CNTN1: variants seen among roughly 807,000 people sequenced by gnomAD.
The protein encoded by CNTN1 is contactin 1.
A neutral mutation model predicts 126.4 loss-of-function variants in CNTN1; 38 were observed. The ratio of observed to expected loss-of-function variants is 0.30; its 90% CI spans 0.23 to 0.39. The LOEUF is 0.39. Among genes scored for constraint, CNTN1 ranks in the 10% least tolerant of loss-of-function variants. The pLI is 1.00. For synonymous variants in CNTN1, 413 were observed against 422.6 expected (o/e 0.98, Z 0.28); for missense variants, 1,009 against 1,248.4 (o/e 0.81, Z 2.89).
rs1342846419 is a variant in CNTN1 at position 40,832,936 on chromosome 12, T to C, written c.-76-75421T>C. 2.0e-5 allele frequency among the ~76,000 whole-genome samples: 3 copies of C among 152,166 alleles called. No individual in the cohort carries two copies. In the East Asian group the frequency reaches 5.8e-4, roughly 29 times the overall value. ...TAAGCACTTACCTGCTCCTGTTCGT[T>C]CTGGTGAAAACCACACAGTTCCCCC... On this transcript the variant is annotated intron_variant, in intron 1 of 23. Transcript: ENST00000551295.
At chr12:41,029,508 A>G (rs371944309) in intron 23 of CNTN1, among the ~76,000 whole-genome samples, 10 of 152,334 alleles carry the variant, frequency 6.6e-5, no homozygotes, top group African/African-American at 1.9e-4. Flanking sequence ...AGTATGGAAC[A>G]TATTAGTTTA....
At chr12:40,918,464 A>C (rs917301119) in intron 3 of CNTN1, among the ~76,000 whole-genome samples, 175 bp from the exon 4 acceptor site, 9 of 152,158 alleles carry the variant, frequency 5.9e-5, no homozygotes, top group Non-Finnish European at 1.2e-4. Flanking sequence ...ACAGAAAATA[A>C]TTTTAAATGA....
intron 23 of CNTN1, among the ~76,000 whole-genome samples, chr12:41,044,077 C>T (rs1472500967): frequency 6.7e-6 from 1 of 150,004 alleles, no homozygotes; most frequent in Non-Finnish European, 1.5e-5. Context: ...TGCAGCACAA[C>T]AGCATGGCAC....
At chr12:40,983,075 G>C (rs1487389452) in intron 16 of CNTN1, among the ~76,000 whole-genome samples, 2 of 152,022 alleles carry the variant, frequency 1.3e-5, no homozygotes, top group Non-Finnish European at 2.9e-5. Flanking sequence ...ATGTACCCTA[G>C]AACTTAAAGT....
At position 40,960,792 on chromosome 12, in the gene CNTN1, C is replaced by T. The variant is rs555475023; in HGVS notation, c.1804+1558C>T. 5.8e-4 allele frequency among the ~76,000 whole-genome samples: 88 copies of T among 152,138 alleles called. No homozygotes were observed. The South Asian group carries it at 5.8e-3, about 10-fold the overall frequency. On this transcript the variant is annotated intron_variant, in intron 15 of 23. Transcript: ENST00000551295. ...AGAGGGATTAGAGGGATTAGTTCACCATTCTTCCTAGTCAGACCACTAGCT... is the reference window on the plus strand; with the variant it reads ...AGAGGGATTAGAGGGATTAGTTCACTATTCTTCCTAGTCAGACCACTAGCT...
intron 1 of CNTN1, among the ~76,000 whole-genome samples, chr12:40,900,454 G>C (rs1369526956): frequency 6.6e-6 from 1 of 152,068 alleles, no homozygotes; most frequent in Non-Finnish European, 1.5e-5. Flanking sequence ...TGTGTGTATG[G>C]TTAGGTGCCT....
At chr12:41,029,974 T>C (rs373875986) in intron 23 of CNTN1, among the ~76,000 whole-genome samples, 2 of 152,156 alleles carry the variant, frequency 1.3e-5, no homozygotes, top group East Asian at 1.9e-4. Flanking sequence ...ATGCATGATA[T>C]AGTTTAATTA....
chr12:40,813,232 GA>G (rs59277406), intron 1 of CNTN1, among the ~76,000 whole-genome samples: 38,683 of 145,552 alleles, frequency 0.27, 5,802 homozygotes, highest in Middle Eastern at 0.42. Context: ...CTTCTAAAAA[GA>G]AAAAAAAAAA....
At chr12:40,772,335 C>T (rs562598342) in intron 1 of CNTN1, among the ~76,000 whole-genome samples, 1 of 152,110 alleles carries the variant, frequency 6.6e-6, no homozygotes, top group South Asian at 2.1e-4. Context: ...TTTGTCATCA[C>T]ATATTGTGTC....
chr12:40,992,711 A>T (rs1399156637), intron 16 of CNTN1, among the ~76,000 whole-genome samples: 1 of 152,194 alleles, frequency 6.6e-6, no homozygotes, highest in East Asian at 1.9e-4. Flanking sequence ...TGCTAGCCAT[A>T]GACTATATCA....
intron 1 of CNTN1, among the ~76,000 whole-genome samples, 186 bp downstream of exon 1, chr12:40,692,778 G>A (rs938646217): frequency 1.3e-5 from 2 of 152,236 alleles, no homozygotes; most frequent in South Asian, 2.1e-4. Flanking sequence ...GGAAGCAGGG[G>A]TGCGGGATGC....
intron 1 of CNTN1, among the ~76,000 whole-genome samples, chr12:40,837,777 G>C (rs1251931182): frequency 2.6e-5 from 4 of 152,150 alleles, no homozygotes; most frequent in African/African-American, 9.7e-5. Context: ...CAGGAAGCAA[G>C]CACTGCTAGG....
intron 1 of CNTN1, among the ~76,000 whole-genome samples, chr12:40,789,744 A>G (rs888246654): frequency 6.6e-6 from 1 of 152,140 alleles, no homozygotes; most frequent in Admixed American, 6.6e-5. Flanking sequence ...GAACTTTTCC[A>G]TGTTGTAAAT....
At chr12:40,782,764 A>G (rs988884224) in intron 1 of CNTN1, among the ~76,000 whole-genome samples, 2 of 151,994 alleles carry the variant, frequency 1.3e-5, no homozygotes, top group Admixed American at 1.3e-4. Context: ...AATGGGCTGC[A>G]TTTTATAATA....
At chr12:40,990,936 A>ACTT (rs1341344178) in intron 16 of CNTN1, among the ~76,000 whole-genome samples, 1 of 152,170 alleles carries the variant, frequency 6.6e-6, no homozygotes, top group Non-Finnish European at 1.5e-5. Context: ...CTCCTAAAAC[A>ACTT]CTTTTGTACT....
chr12:41,064,035 A>G (rs1031389486), intron 23 of CNTN1, among the ~76,000 whole-genome samples: 2 of 152,124 alleles, frequency 1.3e-5, no homozygotes, highest in East Asian at 3.9e-4. Context: ...TTAGCCGGGC[A>G]TGGTGGCGGG....
chr12:40,792,988 G>T (rs1940275736), intron 1 of CNTN1, among the ~76,000 whole-genome samples: 2 of 152,034 alleles, frequency 1.3e-5, no homozygotes, highest in African/African-American at 4.8e-5. Context: ...ATCTACATTA[G>T]TGAAATAAAC....
intron 17 of CNTN1, among the ~76,000 whole-genome samples, chr12:41,000,465 C>T (rs976183127): frequency 1.3e-5 from 2 of 152,028 alleles, no homozygotes; most frequent in Admixed American, 6.6e-5. Context: ...TACTCCAGCT[C>T]TTAATATATA....
intron 1 of CNTN1, among the ~76,000 whole-genome samples, chr12:40,768,931 G>A (rs910895392): frequency 6.6e-6 from 1 of 151,994 alleles, no homozygotes; most frequent in African/African-American, 2.4e-5. Context: ...TTATTTTTAT[G>A]TTATTGCATA....
Sources: allele counts gnomAD v4.1 joint callset (sites outside exome capture counted in the v4.1 genomes callset), GRCh38; gene constraint gnomAD v4.1.1; transcripts MANE v1.5; gene names NCBI Gene and HGNC (gene_info 2026-07-23, HGNC 2026-07-21).